EXOC6B: variants seen among roughly 807,000 people sequenced by gnomAD.
EXOC6B encodes SEC15 homolog B.
In EXOC6B, 54 loss-of-function variants were observed where a neutral mutation model predicts 113.5. That is an observed-to-expected ratio of 0.48 (90% CI 0.38 to 0.60). The LOEUF (loss-of-function observed/expected upper bound fraction) is 0.60, where lower values mean the gene tolerates loss of function less well. Ranked by LOEUF, EXOC6B falls within the 20% of genes least tolerant of loss-of-function variation. The pLI is 0.00. For synonymous variants in EXOC6B, 357 were observed against 339.0 expected, an observed-to-expected ratio of 1.05 and a Z score of -0.58; for missense variants, 797 against 977.5, an observed-to-expected ratio of 0.82 and a Z score of 2.46.
intron 19 of EXOC6B, among the ~76,000 whole-genome samples, chr2:72,355,481 A>C (rs1689922918): frequency 6.6e-6 from 1 of 152,230 alleles, no homozygotes; most frequent in Non-Finnish European, 1.5e-5. Context: ...AACCAGTCGA[A>C]CAAGCAAGAG....
At chr2:72,686,398 GAGAA>G (rs1271987535) in intron 6 of EXOC6B, among the ~76,000 whole-genome samples, 3 of 152,160 alleles carry the variant, frequency 2.0e-5, no homozygotes, top group Admixed American at 6.5e-5. Flanking sequence ...CCATGGGGTA[GAGAA>G]AGAGAGAGAT....
Position 72,776,337 on chromosome 2 carries a change from C to T in EXOC6B, c.114-34868G>A, listed in dbSNP as rs114025442. Among the ~76,000 whole-genome samples the T allele has an allele frequency of 5.3e-3, 810 of 152,262 alleles. 9 individuals are homozygous for T. Among genetic ancestry groups the T allele is most frequent in the African/African-American group, 0.019 (774 of 41,546 alleles). ...ACTAAATAAAATGTTAACCTTCTGG[C>T]CAGGAGAGGTGGCTCACGCCTATAA... On this transcript the variant is annotated intron_variant, in intron 1 of 21. Coordinates refer to ENST00000272427, the MANE Select transcript of EXOC6B (RefSeq NM_015189.3).
intron 7 of EXOC6B, among the ~76,000 whole-genome samples, chr2:72,561,220 C>T (rs539005630): frequency 2.8e-4 from 42 of 151,970 alleles, no homozygotes; most frequent in African/African-American, 8.9e-4. Flanking sequence ...AAAACACATT[C>T]TCAAAAGAAG....
intron 7 of EXOC6B, among the ~76,000 whole-genome samples, chr2:72,575,244 A>T (rs925103110): frequency 6.6e-6 from 1 of 152,168 alleles, no homozygotes; most frequent in Non-Finnish European, 1.5e-5. Context: ...TACAGAATTT[A>T]AAAACCCTGA....
At chr2:72,295,513 T>G (rs1180138368) in intron 20 of EXOC6B, among the ~76,000 whole-genome samples, 1 of 152,170 alleles carries the variant, frequency 6.6e-6, no homozygotes, top group South Asian at 2.1e-4. Context: ...CACACTTTCT[T>G]TTTCTGTTGC....
At chr2:72,722,133 A>G (rs1287649551) in intron 5 of EXOC6B, 1 of 152,164 alleles carries the variant, frequency 6.6e-6, no homozygotes, top group Non-Finnish European at 1.5e-5. Context: ...ACACACACAC[A>G]AAAGTAGAGA....
chr2:72,242,041 A>G (rs146977417), intron 20 of EXOC6B, among the ~76,000 whole-genome samples: 287 of 152,170 alleles, frequency 1.9e-3, no homozygotes, highest in African/African-American at 6.4e-3. Context: ...CGTCTCTACA[A>G]AAAAATAAAA....
intron 1 of EXOC6B, among the ~76,000 whole-genome samples, chr2:72,786,364 GATACTGT>G (rs1320138499): frequency 1.3e-5 from 2 of 152,176 alleles, no homozygotes; most frequent in Non-Finnish European, 2.9e-5. Flanking sequence ...TTACATTCCA[GATACTGT>G]ATTTCACACT....
chr2:72,208,372 G>A (rs765060033), intron 20 of EXOC6B, among the ~76,000 whole-genome samples: 3 of 152,042 alleles, frequency 2.0e-5, no homozygotes, highest in Non-Finnish European at 4.4e-5. Context: ...TTTGCTTAGG[G>A]TATGGCCTCT....
At chr2:72,276,537 C>T (rs757354013) in intron 20 of EXOC6B, among the ~76,000 whole-genome samples, 2 of 152,070 alleles carry the variant, frequency 1.3e-5, no homozygotes, top group Non-Finnish European at 2.9e-5. Context: ...TCTCTAGGAC[C>T]AACTGACCCA....
At chr2:72,712,344 G>T (rs1025081564) in intron 6 of EXOC6B, among the ~76,000 whole-genome samples, 3 of 152,136 alleles carry the variant, frequency 2.0e-5, no homozygotes, top group Non-Finnish European at 4.4e-5. Context: ...TTAACTCATG[G>T]ATCAGGAGTT....
chr2:72,349,091 C>T (rs924111163), intron 19 of EXOC6B, among the ~76,000 whole-genome samples: 5 of 152,152 alleles, frequency 3.3e-5, no homozygotes, highest in African/African-American at 1.2e-4. Flanking sequence ...AATTTACTAG[C>T]TATGTGACCC....
chr2:72,540,748 T>C (rs946091523), intron 8 of EXOC6B, among the ~76,000 whole-genome samples: 9 of 152,162 alleles, frequency 5.9e-5, no homozygotes, highest in African/African-American at 2.2e-4. Context: ...AAATAAAGTT[T>C]TATTGGAGTA....
intron 6 of EXOC6B, among the ~76,000 whole-genome samples, chr2:72,585,428 T>C (rs531566148): frequency 1.3e-5 from 2 of 152,036 alleles, no homozygotes; most frequent in African/African-American, 2.4e-5. Context: ...TGAAACCCCA[T>C]CTCTACTAAA....
At chr2:72,824,300 G>A (rs1027110097) in intron 1 of EXOC6B, among the ~76,000 whole-genome samples, 1 of 152,094 alleles carries the variant, frequency 6.6e-6, no homozygotes, top group Non-Finnish European at 1.5e-5. Context: ...TAGGTGGGAG[G>A]ATCTTAACTC....
chr2:72,280,873 G>C (rs569388042), intron 20 of EXOC6B, among the ~76,000 whole-genome samples: 2 of 152,198 alleles, frequency 1.3e-5, no homozygotes, highest in African/African-American at 2.4e-5. Flanking sequence ...AAACGAGTTT[G>C]ATGATGCCAG....
intron 20 of EXOC6B, among the ~76,000 whole-genome samples, chr2:72,189,860 C>CTTTTTTTTTTTTTTTTTTTTT (rs57679690): frequency 4.6e-5 from 4 of 87,252 alleles, no homozygotes; most frequent in African/African-American, 2.0e-4. Flanking sequence ...CCTTCTTCTT[C>CTTTTTTTTTTTTTTTTTTTTT]TTTTTTTTTT....
At chr2:72,691,640 C>T (rs1677487171) in intron 6 of EXOC6B, among the ~76,000 whole-genome samples, 2 of 150,988 alleles carry the variant, frequency 1.3e-5, no homozygotes, top group Non-Finnish European at 2.9e-5. Context: ...AAACTATAAA[C>T]TAGCAGGGCT....
chr2:72,571,501 C>A (rs558279164), intron 7 of EXOC6B, among the ~76,000 whole-genome samples: 6 of 152,018 alleles, frequency 3.9e-5, no homozygotes, highest in Admixed American at 2.0e-4. Context: ...ACAAAAAAAA[C>A]CTCATCTTGT....
Sources: gnomAD v4.1 joint callset for allele counts (sites outside exome capture counted in the v4.1 genomes callset) on GRCh38, gnomAD v4.1.1 for gene constraint, MANE v1.5 for transcripts, NCBI Gene and HGNC (gene_info 2026-07-23, HGNC 2026-07-21) for gene names.